The following CDH8 variants were observed in gnomAD, a reference collection of about 807,000 sequenced individuals.
CDH8 encodes the protein cadherin 8, also known as cadherin-8.
A neutral mutation model predicts 68.1 loss-of-function variants in CDH8; 17 were observed. The observed-to-expected ratio is 0.25, with a 90% CI of 0.17 to 0.37. CDH8 has a LOEUF of 0.37. CDH8 is among the 10% of genes least tolerant of loss of function. The pLI is 1.00. For synonymous variants in CDH8, 372 were observed against 365.1 expected, an observed-to-expected ratio of 1.02 and a Z score of -0.21; for missense variants, 763 against 999.3, an observed-to-expected ratio of 0.76 and a Z score of 3.19.
At chr16:61,812,699 A>T (rs1304829192) in intron 7 of CDH8, among the ~76,000 whole-genome samples, 2 of 152,142 alleles carry the variant, frequency 1.3e-5, no homozygotes, top group Admixed American at 1.3e-4. Context: ...GCATATAACA[A>T]CTTTTCAGAG....
chr16:61,882,179 A>G (rs543498772), intron 3 of CDH8, among the ~76,000 whole-genome samples: 1 of 152,352 alleles, frequency 6.6e-6, no homozygotes, highest in South Asian at 2.1e-4. Flanking sequence ...AGCAATAACT[A>G]CTTTAATCAT....
chr16:61,746,957 T>G (rs1339584719), intron 8 of CDH8, among the ~76,000 whole-genome samples: 1 of 152,130 alleles, frequency 6.6e-6, no homozygotes, highest in African/African-American at 2.4e-5. Context: ...GATGAATGAT[T>G]AGCAGAACTG....
At chr16:61,832,778 A>C (rs1176081808) in intron 4 of CDH8, among the ~76,000 whole-genome samples, 7 of 151,816 alleles carry the variant, frequency 4.6e-5, no homozygotes, top group Admixed American at 4.6e-4. Context: ...AAAAACTGTT[A>C]TAAAGAGCCT....
At chr16:61,746,154 G>A (rs1393923945) in intron 8 of CDH8, among the ~76,000 whole-genome samples, 2 of 152,038 alleles carry the variant, frequency 1.3e-5, no homozygotes, top group African/African-American at 4.8e-5. Context: ...TCTTGCACAT[G>A]TTAAGATGTG....
chr16:61,830,425 T>C (rs1175295654), intron 4 of CDH8, among the ~76,000 whole-genome samples: 1 of 151,832 alleles, frequency 6.6e-6, no homozygotes, highest in African/African-American at 2.4e-5. Context: ...TGGCATTTCT[T>C]ATCCATTTTC....
intron 8 of CDH8, among the ~76,000 whole-genome samples, chr16:61,760,873 C>A (rs557923539): frequency 6.6e-6 from 1 of 151,806 alleles, no homozygotes; most frequent in East Asian, 1.9e-4. Context: ...CAAACAAAGA[C>A]GAGTCATCAT....
intron 3 of CDH8, among the ~76,000 whole-genome samples, chr16:61,896,031 G>T (rs1465431266): frequency 1.3e-5 from 2 of 151,794 alleles, no homozygotes; most frequent in East Asian, 1.9e-4. Context: ...TCAAACCCAG[G>T]TTTAGCGAAC....
chr16:61,812,038 C>A (rs1430969006), intron 7 of CDH8, among the ~76,000 whole-genome samples: 1 of 152,032 alleles, frequency 6.6e-6, no homozygotes, highest in Non-Finnish European at 1.5e-5. Flanking sequence ...GATAGTGGAT[C>A]CCTTATTAAG....
At chr16:61,828,258 G>A (rs548587754) in intron 4 of CDH8, among the ~76,000 whole-genome samples, 3 of 152,006 alleles carry the variant, frequency 2.0e-5, no homozygotes, top group South Asian at 4.1e-4. Flanking sequence ...TACGAAAGGG[G>A]AGGAATGAAT....
chr16:61,899,399 C>T (rs1456915377), intron 3 of CDH8, among the ~76,000 whole-genome samples: 3 of 151,934 alleles, frequency 2.0e-5, no homozygotes, highest in African/African-American at 7.3e-5. Flanking sequence ...ACCAATGGGG[C>T]AAGGCATATG....
At chr16:61,748,813 A>T (rs1037858510) in intron 8 of CDH8, among the ~76,000 whole-genome samples, 1 of 151,932 alleles carries the variant, frequency 6.6e-6, no homozygotes, top group Non-Finnish European at 1.5e-5. Context: ...ATGAAACAAG[A>T]CCTCCTTCTT....
rs1477374601 is a variant in CDH8, at chr16:61,653,644, T to G, written c.2364A>C (p.Glu788Asp). Residue 788 changes from glutamate to aspartate, a missense_variant, in exon 12 of 12, where the codon GAA (glutamate) becomes GAC (aspartate). By Grantham distance (45) the Glu-to-Asp change is conservative. Coordinates refer to ENST00000577390, the MANE Select transcript of CDH8 (RefSeq NM_001796.5). ...TGTCACTTTCACCAACAGAGTAGAG[T>G]TCGCCCAGTCTCTTAAAGCGGGGAC... is the stretch of plus-strand genomic sequence containing the variant. Reference protein sequence around the residue: ...DWGPRFKRLGELYSVGESDKE... With the variant: ...DWGPRFKRLGDLYSVGESDKE... 6.2e-7 allele frequency: 1 copy of G among 1,613,572 alleles called. No individual in the cohort carries two copies. The highest frequency in any genetic ancestry group is 1.7e-5 in the Admixed American group (1 of 59,922).
At chr16:61,834,030 T>C (rs1245586087) in intron 4 of CDH8, among the ~76,000 whole-genome samples, 1 of 151,762 alleles carries the variant, frequency 6.6e-6, no homozygotes, top group Non-Finnish European at 1.5e-5. Flanking sequence ...TGGCACATAA[T>C]AGGTTATTCA....
At chr16:61,727,030 G>A (rs755904579) in intron 9 of CDH8, 64 bp downstream of exon 9, 16 of 1,525,438 alleles carry the variant, frequency 1.0e-5, no homozygotes, top group Middle Eastern at 1.7e-4. Flanking sequence ...TATAATGCAG[G>A]TTAGTCAAAT....
intron 10 of CDH8, among the ~76,000 whole-genome samples, chr16:61,704,187 T>C (rs1449347196): frequency 1.3e-5 from 2 of 152,222 alleles, no homozygotes; most frequent in African/African-American, 2.4e-5. Context: ...GTTTCATGTC[T>C]GTAAAAGTTT....
intron 3 of CDH8, among the ~76,000 whole-genome samples, chr16:61,886,885 C>T (rs1963683642): frequency 6.6e-6 from 1 of 152,106 alleles, no homozygotes; most frequent in African/African-American, 2.4e-5. Flanking sequence ...ACAGAAGCAA[C>T]CTATATAAGC....
At chr16:61,988,431 G>T (rs116146841) in intron 2 of CDH8, among the ~76,000 whole-genome samples, 3,379 of 152,124 alleles carry the variant, frequency 0.022, 130 homozygotes, top group African/African-American at 0.077. Context: ...GATTAAGCAG[G>T]TGCTCTTTAA....
intron 4 of CDH8, among the ~76,000 whole-genome samples, chr16:61,842,441 C>A (rs1474378460): frequency 6.6e-6 from 1 of 152,078 alleles, no homozygotes; most frequent in East Asian, 1.9e-4. Context: ...CAACTGATGT[C>A]TTATGCAGCA....
At chr16:61,746,171 T>C (rs943460537) in intron 8 of CDH8, among the ~76,000 whole-genome samples, 1 of 152,090 alleles carries the variant, frequency 6.6e-6, no homozygotes, top group African/African-American at 2.4e-5. Context: ...TGTGGCCAAT[T>C]CATCAAGGGT....
Sources: gnomAD v4.1 joint callset for allele counts (sites outside exome capture counted in the v4.1 genomes callset) on GRCh38, gnomAD v4.1.1 for gene constraint, MANE v1.5 for transcripts, NCBI Gene and HGNC (gene_info 2026-07-23, HGNC 2026-07-21) for gene names.